IHO1: variants seen among roughly 807,000 people sequenced by gnomAD.
IHO1 encodes interactor of HORMAD1 1.
In IHO1, 13 loss-of-function variants were observed where a neutral mutation model predicts 31.0. The ratio of observed to expected loss-of-function variants is 0.42; its 90% CI spans 0.27 to 0.67. IHO1 has a LOEUF of 0.67. IHO1 is among the 30% of genes least tolerant of loss of function. IHO1 has a pLI of 0.24. For synonymous variants in IHO1, 221 were observed against 248.4 expected, an observed-to-expected ratio of 0.89 and a Z score of 1.04; for missense variants, 599 against 687.5, an observed-to-expected ratio of 0.87 and a Z score of 1.44.
Position 49,256,532 on chromosome 3 carries a change from T to C in IHO1, c.1035T>C (p.Asn345=), listed in dbSNP as rs1384192807. 3.7e-6 allele frequency: 6 copies of C among 1,614,050 alleles called. No homozygotes were observed. The South Asian group carries it at 4.4e-5, about 12-fold the overall frequency. ...ALPAFGSHER[N]RHVKDKVVQT... ...CAGCATTTGGGTCCCATGAAAGAAA[T>C]AGGCATGTAAAGGACAAGGTGGTGC... is the stretch of plus-strand genomic sequence containing the variant. The change falls in exon 8 of 8, where the codon AAT becomes AAC. Residue 345 remains asparagine (N), a synonymous_variant. Transcript: ENST00000452691. The surrounding 1 kb of genome is among the most constrained non-coding windows in gnomAD (Gnocchi z 4.6).
intron 2 of IHO1, among the ~76,000 whole-genome samples, chr3:49,222,988 T>C (rs1391095146): frequency 6.6e-6 from 1 of 152,180 alleles, no homozygotes; most frequent in Non-Finnish European, 1.5e-5. Context: ...ATGGGAGAGA[T>C]TTGACCAACA....
intron 2 of IHO1, among the ~76,000 whole-genome samples, chr3:49,226,606 C>T (rs916414508): frequency 4.6e-5 from 7 of 152,134 alleles, no homozygotes; most frequent in East Asian, 1.9e-4. Flanking sequence ...GCTTGCTGAC[C>T]GGTAGGGAAT....
intron 3 of IHO1, among the ~76,000 whole-genome samples, chr3:49,239,814 A>G (rs554695047): frequency 5.3e-5 from 8 of 150,632 alleles, no homozygotes; most frequent in Non-Finnish European, 8.9e-5. Context: ...AGGCATGCGC[A>G]CCACGCCTGG....
At chr3:49,220,406 G>A (rs1190224255) in intron 2 of IHO1, among the ~76,000 whole-genome samples, 5 of 152,184 alleles carry the variant, frequency 3.3e-5, no homozygotes, top group Non-Finnish European at 2.9e-5. Context: ...GAATGAAGCC[G>A]CAGACCTTAG....
At chr3:49,197,751 G>A (rs1029775470), upstream of IHO1, among the ~76,000 whole-genome samples, 1 of 151,982 alleles carries the variant, frequency 6.6e-6, no homozygotes, top group African/African-American at 2.4e-5. Context: ...GCAGGCACCT[G>A]TAATCCCAGC....
In IHO1 at chr3:49,257,536, G is replaced by C; in HGVS notation, c.*254G>C. 2.3e-6 allele frequency: 1 copy of C among 429,112 alleles called. No individual in the cohort carries two copies. The highest frequency in any genetic ancestry group is 4.4e-5 in the East Asian group (1 of 22,574). 26.6% of individuals were successfully genotyped at this position (429,112 alleles called of 1,614,324 possible). A position where few individuals can be genotyped will look rare whatever the true frequency, so the allele number is the denominator to read the frequency against. ...GGTGCTGATGAAAACTGAGGCAGCA[G>C]CCTGGTTGTGGGGCATCTGGAGCAG... On this transcript the variant is annotated 3_prime_UTR_variant, in exon 8 of 8. Coordinates refer to ENST00000452691, the MANE Select transcript of IHO1 (RefSeq NM_001135197.2).
chr3:49,220,847 G>A (rs777342255), intron 2 of IHO1, among the ~76,000 whole-genome samples: 1 of 152,116 alleles, frequency 6.6e-6, no homozygotes, highest in African/African-American at 2.4e-5. Context: ...CAGCCTGGGC[G>A]ACAGTTCAAG....
chr3:49,219,825 G>T (rs569396796), intron 2 of IHO1, among the ~76,000 whole-genome samples: 1 of 152,180 alleles, frequency 6.6e-6, no homozygotes, highest in Non-Finnish European at 1.5e-5. Context: ...GCTCTGGTTC[G>T]TTCCACCTTG....
intron 6 of IHO1, among the ~76,000 whole-genome samples, chr3:49,251,181 T>C (rs111256226): frequency 0.11 from 16,618 of 150,670 alleles, 1,014 homozygotes; most frequent in African/African-American, 0.14. Context: ...AGTGCAGTGG[T>C]GCGATCTCAG....
chr3:49,251,117 T>C (rs900974674), intron 6 of IHO1, among the ~76,000 whole-genome samples: 1 of 151,874 alleles, frequency 6.6e-6, no homozygotes, highest in South Asian at 2.1e-4. Flanking sequence ...AGTTTTTGTT[T>C]GTTGGTTGGT....
At chr3:49,220,880 A>G (rs973086846) in intron 2 of IHO1, among the ~76,000 whole-genome samples, 9 of 152,190 alleles carry the variant, frequency 5.9e-5, no homozygotes, top group African/African-American at 2.2e-4. Context: ...AATAAAAAAT[A>G]AAAGGTGGCG....
chr3:49,217,195 T>G (rs1475678411), intron 2 of IHO1, among the ~76,000 whole-genome samples: 1 of 152,168 alleles, frequency 6.6e-6, no homozygotes, highest in Non-Finnish European at 1.5e-5. Context: ...ACATGTATAT[T>G]TATTGTGGCA....
intron 2 of IHO1, among the ~76,000 whole-genome samples, chr3:49,215,310 C>T (rs1009101448): frequency 3.3e-5 from 5 of 152,130 alleles, no homozygotes; most frequent in African/African-American, 1.2e-4. Context: ...CTCAGCCTCC[C>T]AAAATGCTGG....
intron 1 of IHO1, among the ~76,000 whole-genome samples, chr3:49,202,323 ATTTTTTT>A (rs66767086): frequency 8.3e-5 from 11 of 132,496 alleles, no homozygotes; most frequent in South Asian, 4.8e-4. Flanking sequence ...CTTCTTTTTA[ATTTTTTT>A]TTTTTTTTTT....
At position 49,256,492 on chromosome 3, in the gene IHO1, A is replaced by T; in HGVS notation, c.995A>T (p.Glu332Val). 6.2e-7 allele frequency: 1 copy of T among 1,614,182 alleles called. No individual in the cohort carries two copies. Reference protein sequence around the residue: ...GEGAKNDDLQEEAALPAFGSH... With the variant: ...GEGAKNDDLQVEAALPAFGSH... ...GGAGCAAAGAATGATGATCTCCAAGAAGAGGCTGCACTGCCAGCATTTGGG... is the reference window on the plus strand; with the variant it reads ...GGAGCAAAGAATGATGATCTCCAAGTAGAGGCTGCACTGCCAGCATTTGGG... Residue 332 changes from glutamate to valine, a missense_variant, in exon 8 of 8, where the codon GAA (glutamate) becomes GTA (valine). Coordinates refer to ENST00000452691, the MANE Select transcript of IHO1 (RefSeq NM_001135197.2). This position sits in a 1 kb window ranked among gnomAD's most constrained non-coding sequence, Gnocchi z 4.6.
Position 49,256,387 on chromosome 3 carries a change from G to A in IHO1, c.890G>A (p.Trp297Ter). ...EKYTSEKPVL[W>*]QAQALPAAWN... ...TACACCTCTGAGAAACCAGTTTTAT[G>A]GCAGGCCCAGGCCCTCCCTGCTGCA... Residue 297 changes from tryptophan to a stop codon, truncating the protein, a stop_gained, in exon 8 of 8, where the codon TGG (tryptophan) becomes TAG (stop). Coordinates refer to ENST00000452691, the MANE Select transcript of IHO1 (RefSeq NM_001135197.2). LOFTEE classifies it low-confidence loss of function (END_TRUNC). This position sits in a 1 kb window ranked among gnomAD's most constrained non-coding sequence, Gnocchi z 4.6. The A allele has an allele frequency of 1.2e-6, 2 of 1,614,148 alleles. No homozygotes were observed. Among genetic ancestry groups the A allele is most frequent in the Non-Finnish European group, 8.5e-7 (1 of 1,180,016 alleles).
intron 2 of IHO1, among the ~76,000 whole-genome samples, chr3:49,229,941 C>T (rs2046461713): frequency 6.6e-6 from 1 of 152,110 alleles, no homozygotes; most frequent in African/African-American, 2.4e-5. Context: ...ACATATGATG[C>T]ATGAAATAGG....
At chr3:49,195,421 CAA>C (rs929603378), upstream of IHO1, among the ~76,000 whole-genome samples, 1 of 99,586 alleles carries the variant, frequency 1.0e-5, no homozygotes. Flanking sequence ...GACTCCATCT[CAA>C]AAAAAAAAAA....
chr3:49,250,271 T>C (rs879684730), intron 6 of IHO1, among the ~76,000 whole-genome samples: 1 of 152,222 alleles, frequency 6.6e-6, no homozygotes, highest in Admixed American at 6.6e-5. Flanking sequence ...TGCCTTTTTA[T>C]ACTATTATGG....
Sources: allele counts gnomAD v4.1 joint callset (sites outside exome capture counted in the v4.1 genomes callset), GRCh38; gene constraint gnomAD v4.1.1; non-coding constraint Gnocchi (gnomAD v3.1); transcripts MANE v1.5; gene names NCBI Gene and HGNC (gene_info 2026-07-23, HGNC 2026-07-21).